The following STRN variants were observed in gnomAD, a reference collection of about 807,000 sequenced individuals.
The protein encoded by STRN is protein phosphatase 2 regulatory subunit B'''alpha.
In STRN, 53 loss-of-function variants were observed where a neutral mutation model predicts 96.3. The ratio of observed to expected loss-of-function variants is 0.55; its 90% CI spans 0.44 to 0.69. STRN has a LOEUF of 0.69. STRN is among the 30% of genes least tolerant of loss of function. The pLI, the probability that STRN is intolerant of heterozygous loss-of-function variation, is 0.00. For synonymous variants in STRN, 428 were observed against 355.9 expected (o/e 1.20, Z -2.28); for missense variants, 987 against 963.9 (o/e 1.02, Z -0.32).
In STRN at chr2:36,902,721, A is replaced by G. The variant is rs751791040; in HGVS notation, c.522T>C (p.Thr174=). The G allele has an allele frequency of 1.2e-6, 2 of 1,610,560 alleles. No homozygotes were observed. The highest frequency in any genetic ancestry group is 1.7e-6 in the Non-Finnish European group (2 of 1,177,708). Residue 174 remains threonine, a synonymous_variant, in exon 5 of 18, where the codon ACT becomes ACC. Transcript: ENST00000263918. ...QYLQEVGYTD[T]ILDVKSKRVR... ...CTCGTTTAGATTTCACATCTAGAAT[A>G]GTATCTGTATAACCCACCTCCTGTA...
chr2:36,849,674 T>C, intron 17 of STRN, 40 bp downstream of exon 17: 1 of 1,612,430 alleles, frequency 6.2e-7, no homozygotes, highest in Non-Finnish European at 8.5e-7. Context: ...AACATGAAAA[T>C]GGTAAGGACA....
rs1667949905 is a variant in STRN, at chr2:36,841,480, A to G, written c.*7976T>C. The G allele has an allele frequency of 6.6e-6, 1 of 152,198 alleles. No homozygotes were observed. Among genetic ancestry groups the G allele is most frequent in the Admixed American group, 6.5e-5 (1 of 15,272 alleles). The allele number at this position is 152,198 out of a possible 1,614,324, so 9.4% of individuals were successfully genotyped here. ...CTTTTTCTAAAAATCACACTGAGTG[A>G]TATTATTCTATCAAGAGGATATTCT... On this transcript the variant is annotated 3_prime_UTR_variant, in exon 18 of 18. Coordinates refer to ENST00000263918, the MANE Select transcript of STRN (RefSeq NM_003162.4).
intron 8 of STRN, among the ~76,000 whole-genome samples, chr2:36,884,361 G>C (rs946325091): frequency 4.6e-5 from 7 of 152,164 alleles, no homozygotes; most frequent in African/African-American, 1.7e-4. Context: ...TTTAGCCACT[G>C]AATATTGCTC....
chr2:36,893,523 T>C (rs1344870598), intron 7 of STRN, among the ~76,000 whole-genome samples: 4 of 152,238 alleles, frequency 2.6e-5, no homozygotes, highest in African/African-American at 7.2e-5. Context: ...TTTTAACTCA[T>C]ACTTCTTTTC....
rs533709712 is a variant in STRN at position 36,843,790 on chromosome 2, A to G, written c.*5666T>C. The stretch of plus-strand genomic sequence containing the variant: ...ATATTCCAATTCATGAGACACCTAT[A>G]GCATGTTATCTATATTTGTACACTT... On this transcript the variant is annotated 3_prime_UTR_variant, in exon 18 of 18. Transcript: ENST00000263918. 133 of 152,336 alleles carry G rather than the reference A, an allele frequency of 8.7e-4. 1 individual carries two copies. Among genetic ancestry groups the G allele is most frequent in the African/African-American group, 3.1e-3 (130 of 41,576 alleles). The allele number at this position is 152,336 out of a possible 1,614,324, so 9.4% of individuals were successfully genotyped here.
At chr2:36,874,064 G>C (rs537128673) in intron 10 of STRN, among the ~76,000 whole-genome samples, 1 of 151,104 alleles carries the variant, frequency 6.6e-6, no homozygotes, top group South Asian at 2.1e-4. Flanking sequence ...GACCATCCTG[G>C]CTAACACGGT....
intron 4 of STRN, among the ~76,000 whole-genome samples, chr2:36,903,297 G>A (rs1308115789): frequency 6.6e-6 from 1 of 152,204 alleles, no homozygotes; most frequent in Non-Finnish European, 1.5e-5. Context: ...GTGTACACAT[G>A]TGTGTGTATG....
intron 7 of STRN, among the ~76,000 whole-genome samples, chr2:36,889,642 T>G (rs1669335054): frequency 4.0e-5 from 6 of 148,290 alleles, no homozygotes; most frequent in East Asian, 4.1e-4. Flanking sequence ...GGGAGTAGAG[T>G]AGAAGACAGA....
chr2:36,861,379 A>G, intron 12 of STRN, 126 bp from the exon 13 acceptor site: 9 of 1,224,376 alleles, frequency 7.4e-6, no homozygotes, highest in Non-Finnish European at 9.0e-6. Context: ...AAAAATGAAA[A>G]CACAGGTACT....
intron 1 of STRN, among the ~76,000 whole-genome samples, chr2:36,955,033 G>C (rs971873432): frequency 3.7e-4 from 57 of 152,224 alleles, no homozygotes; most frequent in African/African-American, 1.3e-3. Context: ...TATTCTACTC[G>C]AAGAAAAACT....
intron 1 of STRN, among the ~76,000 whole-genome samples, chr2:36,958,775 T>G (rs1664958025): frequency 6.6e-6 from 1 of 152,126 alleles, no homozygotes; most frequent in African/African-American, 2.4e-5. Context: ...GCAGAACTAA[T>G]GAGAAGCCAA....
rs111527804 is a variant in STRN, at chr2:36,866,252, G to C, written c.1547+1562C>G. On this transcript the variant is annotated intron_variant, in intron 12 of 17. Coordinates refer to ENST00000263918, the MANE Select transcript of STRN (RefSeq NM_003162.4). ...ACCACTAGTGGCTGATTTTTGTAGA[G>C]ATGGGGTTCTGCCATGCTGCCCAGG... 6.9e-3 allele frequency among the ~76,000 whole-genome samples: 1,045 copies of C among 152,184 alleles called. 18 individuals are homozygous for C. Among genetic ancestry groups the C allele is most frequent in the African/African-American group, 0.024 (980 of 41,500 alleles).
chr2:36,850,375 A>C (rs1465275009), intron 16 of STRN, among the ~76,000 whole-genome samples: 1 of 152,256 alleles, frequency 6.6e-6, no homozygotes, highest in Non-Finnish European at 1.5e-5. Flanking sequence ...CTCCCAGCAC[A>C]GTGCTTCCTA....
intron 1 of STRN, among the ~76,000 whole-genome samples, chr2:36,942,476 C>G (rs1425673622): frequency 6.6e-6 from 1 of 152,074 alleles, no homozygotes; most frequent in Non-Finnish European, 1.5e-5. Context: ...TAATTTTTCC[C>G]TATTACAAAA....
intron 1 of STRN, among the ~76,000 whole-genome samples, chr2:36,941,929 T>C (rs1380334644): frequency 1.3e-5 from 2 of 152,116 alleles, no homozygotes; most frequent in East Asian, 1.9e-4. Context: ...TACTTAACCA[T>C]TGTGGTAGAT....
In STRN at chr2:36,925,051, C is replaced by T. The variant is rs1238717931; in HGVS notation, c.338+54G>A. 5.2e-6 allele frequency: 8 copies of T among 1,530,202 alleles called. No homozygotes were observed. In the East Asian group the frequency reaches 1.1e-4, roughly 22 times the overall value. 94.8% of individuals were successfully genotyped at this position (1,530,202 alleles called of 1,614,324 possible). A position where few individuals can be genotyped will look rare whatever the true frequency, so the allele number is the denominator to read the frequency against. On this transcript the variant is annotated intron_variant, in intron 2 of 17. Transcript: ENST00000263918. Reference sequence around the variant, plus strand: ...AGCCTGGGCAACAAGAACGAAACTCCGTCTCAAAACAAATAAACAAAAAAG... The same window carrying T: ...AGCCTGGGCAACAAGAACGAAACTCTGTCTCAAAACAAATAAACAAAAAAG...
rs56996485 is a variant in STRN at position 36,940,836 on chromosome 2, CAAAAA to C, written c.235-15633_235-15629del. Among the ~76,000 whole-genome samples the C allele has an allele frequency of 4.3e-3, 200 of 46,546 alleles. 2 individuals are homozygous for C. Among genetic ancestry groups the C allele is most frequent in the Middle Eastern group, 0.015 (1 of 66 alleles). The allele number at this position is 46,546 out of a possible 152,430, so 30.5% of individuals were successfully genotyped here. On this transcript the variant is annotated intron_variant, in intron 1 of 17. Transcript: ENST00000263918. Reference sequence around the variant, plus strand: ...TGGGCGACTGGGCAAGACTCTGTCTCAAAAAAAAAAAAAAAAAAAAAAAAAAGTAA... The same window carrying C: ...TGGGCGACTGGGCAAGACTCTGTCTCAAAAAAAAAAAAAAAAAAAAAGTAA...
chr2:36,960,983 A>T (rs1243365122), intron 1 of STRN, among the ~76,000 whole-genome samples: 1 of 152,036 alleles, frequency 6.6e-6, no homozygotes, highest in Non-Finnish European at 1.5e-5. Context: ...TGCAGCCTTG[A>T]TCTCCAGGGC....
At chr2:36,937,359 GAAAAGAAAA>G (rs1558660911) in intron 1 of STRN, among the ~76,000 whole-genome samples, 1 of 136,820 alleles carries the variant, frequency 7.3e-6, no homozygotes, top group Non-Finnish European at 1.6e-5. Context: ...AAAAAAAAAA[GAAAAGAAAA>G]GAAAGAAAAA....
Sources: gnomAD v4.1 joint callset for allele counts (sites outside exome capture counted in the v4.1 genomes callset) on GRCh38, gnomAD v4.1.1 for gene constraint, MANE v1.5 for transcripts, NCBI Gene and HGNC (gene_info 2026-07-23, HGNC 2026-07-21) for gene names.